TCERG1L: variants seen among roughly 807,000 people sequenced by gnomAD.
The protein encoded by TCERG1L is transcription elongation regulator 1-like protein.
TCERG1L carries 37 observed loss-of-function variants against 56.3 expected under a neutral mutation model. The ratio of observed to expected loss-of-function variants is 0.66; its 90% confidence interval spans 0.51 to 0.87. TCERG1L has a LOEUF of 0.87. TCERG1L is among the 40% of genes least tolerant of loss of function. TCERG1L has a pLI of 0.00. For synonymous variants in TCERG1L, 324 were observed against 326.3 expected (o/e 0.99, Z 0.08); for missense variants, 799 against 774.2 (o/e 1.03, Z -0.38).
chr10:131,149,277 G>A (rs1174568007), intron 6 of TCERG1L, among the ~76,000 whole-genome samples: 1 of 117,872 alleles, frequency 8.5e-6, no homozygotes, highest in African/African-American at 2.6e-5. Context: ...CCATGCTGGA[G>A]GCTGGAAAAT....
At chr10:131,138,143 T>C (rs751485341) in intron 7 of TCERG1L, among the ~76,000 whole-genome samples, 14 of 152,130 alleles carry the variant, frequency 9.2e-5, no homozygotes, top group Non-Finnish European at 2.1e-4. Flanking sequence ...GTGGCACATG[T>C]CTGTAATCTC....
chr10:131,098,539 G>A, intron 10 of TCERG1L, 115 bp from the exon 11 acceptor site: 2 of 1,290,036 alleles, frequency 1.6e-6, no homozygotes, highest in Non-Finnish European at 2.1e-6. Context: ...AGCTGTTCTT[G>A]TTTACAGCTG....
intron 8 of TCERG1L, among the ~76,000 whole-genome samples, chr10:131,120,216 G>C (rs139800031): frequency 1.3e-5 from 2 of 152,292 alleles, no homozygotes; most frequent in East Asian, 3.9e-4. Context: ...ATGCTGGTAA[G>C]TCTGTAAAGC....
In TCERG1L at chr10:131,166,865, G is replaced by A. The variant is rs867581672; in HGVS notation, c.877C>T (p.Arg293Ter). The A allele has an allele frequency of 3.1e-6, 5 of 1,612,710 alleles. No homozygotes were observed. In the Admixed American group the frequency reaches 5.0e-5, roughly 16 times the overall value. The change falls in exon 5 of 12, where the codon CGA becomes TGA. Residue 293 changes from arginine to a stop codon, truncating the protein, a stop_gained. Transcript: ENST00000368642. LOFTEE classifies it high-confidence loss of function. The stretch of plus-strand genomic sequence containing the variant: ...ATCAGGGCAGGAGGGCGGGCCACTC[G>A]GCCCCGCTCTGTCCTTGTATCTGTT... ...PVSDTRTERGRVARPPALMLR... is the reference protein window; with the variant it reads ...PVSDTRTERG
chr10:131,116,755 C>CG, intron 9 of TCERG1L, 44 bp downstream of exon 9: 1 of 1,542,346 alleles, frequency 6.5e-7, no homozygotes, highest in Non-Finnish European at 8.7e-7. Flanking sequence ...GCTGTTCCCC[C>CG]GGGTCTGCCG....
chr10:131,234,516 A>G lies in TCERG1L; in HGVS notation c.856+25743T>C, dbSNP rs183725901. ...GAGAGGCTCATGGCTTGAAGGCAGG[A>G]TAGCTCAAGGGGTCATGAGAGCTGA... On this transcript the variant is annotated intron_variant, in intron 4 of 11. Coordinates refer to ENST00000368642, the MANE Select transcript of TCERG1L (RefSeq NM_174937.4). 1.6e-3 allele frequency among the ~76,000 whole-genome samples: 244 copies of G among 152,300 alleles called. 2 individuals carry two copies. The highest frequency in any genetic ancestry group is 5.5e-3 in the African/African-American group (229 of 41,552).
chr10:131,194,301 G>A (rs1437086407), intron 4 of TCERG1L, among the ~76,000 whole-genome samples: 2 of 152,224 alleles, frequency 1.3e-5, no homozygotes, highest in African/African-American at 4.8e-5. Context: ...CGCTGACGAA[G>A]GGAGACAGGT....
rs561536389 is a variant in TCERG1L, at chr10:131,252,304, C to T, written c.856+7955G>A. Among the ~76,000 whole-genome samples the T allele has an allele frequency of 1.8e-3, 268 of 152,234 alleles. 1 individual carries two copies. Among genetic ancestry groups the T allele is most frequent in the African/African-American group, 6.2e-3 (256 of 41,510 alleles). ...TATGTGTAACTGAGGACCTGCCACA[C>T]GGTTGTCCACAGCTGGAGCTACTCT... On this transcript the variant is annotated intron_variant, in intron 4 of 11. Transcript: ENST00000368642.
At chr10:131,155,136 G>GT (rs918185765) in intron 6 of TCERG1L, among the ~76,000 whole-genome samples, 16 of 152,218 alleles carry the variant, frequency 1.1e-4, no homozygotes, top group African/African-American at 3.9e-4. Flanking sequence ...GACAAGCTGG[G>GT]TGGGGACGTC....
At chr10:131,223,165 G>A (rs978846454) in intron 4 of TCERG1L, among the ~76,000 whole-genome samples, 5 of 152,234 alleles carry the variant, frequency 3.3e-5, no homozygotes, top group African/African-American at 1.2e-4. Context: ...CCTCGCGCCA[G>A]GAGACCAGGA....
chr10:131,118,023 G>A lies in TCERG1L; in HGVS notation c.1260-1089C>T, dbSNP rs967979223. Among the ~76,000 whole-genome samples, 45 of 152,162 alleles carry A rather than the reference G, an allele frequency of 3.0e-4. No homozygotes were observed. The highest frequency in any genetic ancestry group is 9.4e-4 in the African/African-American group (39 of 41,468). On this transcript the variant is annotated intron_variant, in intron 8 of 11. Transcript: ENST00000368642. This position sits in a 1 kb window ranked among gnomAD's most constrained non-coding sequence, Gnocchi z 4.2. The stretch of plus-strand genomic sequence containing the variant: ...TGCAGCCTGTTCTCCAGGACGGGCA[G>A]ACTCAACCCGCGCTGGGTTGGCGCA...
rs567622916 is a variant in TCERG1L at position 131,152,656 on chromosome 10, C to T, written c.1035-5996G>A. 8.0e-4 allele frequency among the ~76,000 whole-genome samples: 121 copies of T among 152,196 alleles called. 2 individuals are homozygous for T. Among genetic ancestry groups the T allele is most frequent in the Non-Finnish European group, 9.1e-4 (62 of 68,042 alleles). ...AAGTTGCTTCCACATTTTCAGGTAT[C>T]CTTATAGCAGCACCCCACTCCTGGT... On this transcript the variant is annotated intron_variant, in intron 6 of 11. Transcript: ENST00000368642.
intron 4 of TCERG1L, among the ~76,000 whole-genome samples, chr10:131,258,506 TCACAGCTCAGACCTGCTCATCACCGGTC>T (rs1266395003): frequency 6.6e-6 from 1 of 152,168 alleles, no homozygotes; most frequent in Non-Finnish European, 1.5e-5. Context: ...GCCACGCTGC[TCACAGCTCAGACCTGCTCATCACCGGTC>T]CAGACCCAGC....
chr10:131,141,861 A>G (rs1845742306), intron 7 of TCERG1L, among the ~76,000 whole-genome samples: 1 of 152,106 alleles, frequency 6.6e-6, no homozygotes, highest in Non-Finnish European at 1.5e-5. Context: ...GCTGAGGCCA[A>G]ACACAGCAAG....
At chr10:131,286,132 C>G (rs942196587) in intron 3 of TCERG1L, among the ~76,000 whole-genome samples, 2 of 152,162 alleles carry the variant, frequency 1.3e-5, no homozygotes, top group Non-Finnish European at 2.9e-5. Flanking sequence ...GTGGCTCTTG[C>G]ACAGTAGTCT....
At chr10:131,289,245 G>A (rs1452058380) in intron 3 of TCERG1L, among the ~76,000 whole-genome samples, 5 of 151,702 alleles carry the variant, frequency 3.3e-5, no homozygotes, top group African/African-American at 1.2e-4. Flanking sequence ...GTCACGTGAC[G>A]GAGAAGAGTC....
At position 131,311,394 on chromosome 10, in the gene TCERG1L, G is replaced by A; in HGVS notation, c.242C>T (p.Pro81Leu). ...CGGGAGCACCGGCTCGCTCGGGGCCGGCCAGCCGGGGAGACCGGGGAGCAG... is the reference window on the plus strand; with the variant it reads ...CGGGAGCACCGGCTCGCTCGGGGCCAGCCAGCCGGGGAGACCGGGGAGCAG... ...APLLPGLPGW[P>L]APSEPVLPLL... The change falls in exon 1 of 12, where the codon CCG (proline) becomes CTG (leucine). Residue 81 changes from proline to leucine, a missense_variant. By Grantham distance (98) the Pro-to-Leu change is moderately conservative. Coordinates refer to ENST00000368642, the MANE Select transcript of TCERG1L (RefSeq NM_174937.4). This position sits in a 1 kb window ranked among gnomAD's most constrained non-coding sequence, Gnocchi z 4.0. 2 of 1,187,502 alleles carry A rather than the reference G, an allele frequency of 1.7e-6. No individual in the cohort carries two copies. Among genetic ancestry groups the A allele is most frequent in the African/African-American group, 1.6e-5 (1 of 62,322 alleles). The allele number at this position is 1,187,502 out of a possible 1,614,324, so 73.6% of individuals were successfully genotyped here.
intron 6 of TCERG1L, 94 bp downstream of exon 6, chr10:131,163,028 T>C (rs926331807): frequency 3.2e-5 from 30 of 943,954 alleles, no homozygotes; most frequent in African/African-American, 2.7e-4. Context: ...ACAGGATGCC[T>C]GAGAGACATG....
intron 4 of TCERG1L, among the ~76,000 whole-genome samples, chr10:131,241,298 A>G (rs924517280): frequency 6.6e-6 from 1 of 152,202 alleles, no homozygotes; most frequent in Non-Finnish European, 1.5e-5. Context: ...GAAGTCTACC[A>G]GAATGTAGGA....
Sources: gnomAD v4.1 joint callset for allele counts (sites outside exome capture counted in the v4.1 genomes callset) on GRCh38, gnomAD v4.1.1 for gene constraint, Gnocchi (gnomAD v3.1) non-coding constraint, MANE v1.5 for transcripts, NCBI Gene and HGNC (gene_info 2026-07-23, HGNC 2026-07-21) for gene names.